The following TP53BP2 variants were observed in gnomAD, a reference collection of about 807,000 sequenced individuals.
TP53BP2 encodes the protein apoptosis-stimulating of p53 protein 2.
A neutral mutation model predicts 126.2 loss-of-function variants in TP53BP2; 62 were observed. The ratio of observed to expected loss-of-function variants is 0.49; its 90% CI spans 0.40 to 0.61. The LOEUF (loss-of-function observed/expected upper bound fraction) is 0.61, where lower values mean the gene tolerates loss of function less well. Ranked by LOEUF, TP53BP2 falls within the 20% of genes least tolerant of loss-of-function variation. The pLI is 0.00. For missense variants in TP53BP2, 1,215 were observed against 1,402.8 expected (o/e 0.87, Z 2.14); for synonymous variants, 485 against 502.9 (o/e 0.96, Z 0.48).
chr1:223,811,846 C>T (rs575701088), intron 3 of TP53BP2, among the ~76,000 whole-genome samples: 2 of 152,090 alleles, frequency 1.3e-5, no homozygotes, highest in African/African-American at 2.4e-5. Context: ...TTTGTGACAA[C>T]GTGAAAACAG....
intron 2 of TP53BP2, among the ~76,000 whole-genome samples, chr1:223,816,908 C>G (rs1162091459): frequency 6.6e-6 from 1 of 150,936 alleles, no homozygotes; most frequent in Non-Finnish European, 1.5e-5. Flanking sequence ...ACCTGTAATC[C>G]CAACACTTTG....
At chr1:223,824,953 G>A (rs963423459) in intron 1 of TP53BP2, among the ~76,000 whole-genome samples, 17 of 150,438 alleles carry the variant, frequency 1.1e-4, no homozygotes, top group African/African-American at 4.0e-4. Context: ...CCTCATCTCC[G>A]TCACGCCTTT....
chr1:223,845,545 G>A, intron 1 of TP53BP2, 109 bp downstream of exon 1: 1 of 1,223,920 alleles, frequency 8.2e-7, no homozygotes, highest in South Asian at 1.8e-5. Flanking sequence ...CTCCGCGCGG[G>A]CTGCGGCCCC....
intron 5 of TP53BP2, among the ~76,000 whole-genome samples, chr1:223,805,683 C>T (rs1167220752): frequency 6.6e-6 from 1 of 152,202 alleles, no homozygotes; most frequent in Admixed American, 6.5e-5. Flanking sequence ...CAATTGTCTA[C>T]CCCAGCTTCA....
chr1:223,803,073 G>A (rs887483378), intron 7 of TP53BP2, 178 bp from the exon 8 acceptor site: 11 of 883,904 alleles, frequency 1.2e-5, no homozygotes, highest in Non-Finnish European at 1.7e-5. Flanking sequence ...ACCAGCTGTG[G>A]TTATGAGGAA....
intron 3 of TP53BP2, among the ~76,000 whole-genome samples, chr1:223,810,876 A>G (rs1662887959): frequency 6.6e-6 from 1 of 152,210 alleles, no homozygotes; most frequent in Non-Finnish European, 1.5e-5. Flanking sequence ...TTAGCTACTC[A>G]GTAGTTAAAC....
In TP53BP2 at chr1:223,810,451, A is replaced by C; in HGVS notation, c.352T>G (p.Tyr118Asp). ...KRNGVKVPGE[Y>D]RRKENGVNSP... ...CTTACACCGTTCTCCTTTCTTCGAT[A>C]TTCACCAGGAACTTTTACACCATTT... Residue 118 changes from tyrosine to aspartate, a missense_variant, in exon 4 of 18, where the codon TAT (tyrosine) becomes GAT (aspartate). Transcript: ENST00000343537. The C allele has an allele frequency of 6.2e-7, 1 of 1,610,274 alleles. No homozygotes were observed.
In TP53BP2 at chr1:223,798,430, G is replaced by C. The variant is rs1282097359; in HGVS notation, c.1733C>G (p.Ser578Cys). The change falls in exon 12 of 18, where the codon TCT becomes TGT. Residue 578 changes from serine to cysteine, a missense_variant. By Grantham distance (112) the Ser-to-Cys change is moderately radical (BLOSUM62 -1). Transcript: ENST00000343537. Reference protein sequence around the residue: ...VGQDQTLSPGSKQESPPAAAV... With the variant: ...VGQDQTLSPGCKQESPPAAAV... ...AGCAGCAGGTGGACTTTCTTGCTTAGAACCTGGAGAAAGGGTCTGGTCTTG... is the reference window on the plus strand; with the variant it reads ...AGCAGCAGGTGGACTTTCTTGCTTACAACCTGGAGAAAGGGTCTGGTCTTG... 1 of 1,614,192 alleles carries C rather than the reference G, an allele frequency of 6.2e-7. No homozygotes were observed. The highest frequency in any genetic ancestry group is 1.6e-4 in the Middle Eastern group (1 of 6,062).
Position 223,782,747 on chromosome 1 carries a change from C to T in TP53BP2, c.3363+1368G>A, listed in dbSNP as rs551040454. Reference sequence around the variant, plus strand: ...GGATTACAGGCGTGAGCCACTATGCCGGGCCCCTGAAAGTTTTTTTTAAGG... The same window carrying T: ...GGATTACAGGCGTGAGCCACTATGCTGGGCCCCTGAAAGTTTTTTTTAAGG... On this transcript the variant is annotated intron_variant, in intron 17 of 17. Transcript: ENST00000343537. 6.6e-5 allele frequency among the ~76,000 whole-genome samples: 10 copies of T among 152,274 alleles called. No homozygotes were observed. The South Asian group carries it at 1.0e-3, about 16-fold the overall frequency.
intron 1 of TP53BP2, among the ~76,000 whole-genome samples, chr1:223,840,246 C>T (rs1055185265): frequency 9.9e-5 from 15 of 152,146 alleles, no homozygotes; most frequent in African/African-American, 3.6e-4. Flanking sequence ...CTTGGCTTGC[C>T]CCAATAAGAC....
rs567902626 is a variant in TP53BP2, at chr1:223,802,652, A to G, written c.996+79T>C. 2.0e-6 allele frequency: 3 copies of G among 1,500,272 alleles called. No homozygotes were observed. The African/African-American group carries it at 4.2e-5, about 21-fold the overall frequency. The allele number at this position is 1,500,272 out of a possible 1,614,324, so 92.9% of individuals were successfully genotyped here. A position where few individuals can be genotyped will look rare whatever the true frequency, so the allele number is the denominator to read the frequency against. ...GGCACACTGAGTAATGATTCTGAAG[A>G]AGATGCCTATGAGTAACCTCACTGG... is the stretch of plus-strand genomic sequence containing the variant. On this transcript the variant is annotated intron_variant, in intron 8 of 17. Coordinates refer to ENST00000343537, the MANE Select transcript of TP53BP2 (RefSeq NM_001031685.3).
At chr1:223,789,591 C>T (rs749222915) in intron 15 of TP53BP2, among the ~76,000 whole-genome samples, 2 of 152,132 alleles carry the variant, frequency 1.3e-5, no homozygotes, top group Non-Finnish European at 2.9e-5. Context: ...AAAACACTGG[C>T]CTTTAAATAT....
In TP53BP2 at chr1:223,804,310, T is replaced by G. The variant is rs934137891; in HGVS notation, c.513A>C (p.Arg171=). The part of the protein sequence containing the change: ...RLKFLKQQDQ[R]QQQQVAEQEK... ...CCTGCTCAGCAACTTGTTGCTGTTG[T>G]CGCTGATCTTGTTGTTTCAAAAACT... Residue 171 remains arginine, a synonymous_variant, in exon 6 of 18, where the codon CGA becomes CGC. Coordinates refer to ENST00000343537, the MANE Select transcript of TP53BP2 (RefSeq NM_001031685.3). 1 of 1,613,926 alleles carries G rather than the reference T, an allele frequency of 6.2e-7. No homozygotes were observed. Among genetic ancestry groups the G allele is most frequent in the Admixed American group, 1.7e-5 (1 of 59,976 alleles).
intron 16 of TP53BP2, among the ~76,000 whole-genome samples, chr1:223,787,246 T>C (rs982187828): frequency 3.9e-5 from 6 of 152,200 alleles, no homozygotes; most frequent in Admixed American, 6.5e-5. Context: ...ACTTCAGCAC[T>C]TTGGAAGGCC....
At chr1:223,832,266 C>G (rs6667215) in intron 1 of TP53BP2, among the ~76,000 whole-genome samples, 47,788 of 151,938 alleles carry the variant, frequency 0.31, 11,141 homozygotes, top group African/African-American at 0.66. Flanking sequence ...GAGGAAGAAA[C>G]AGAAAATTAT....
At chr1:223,822,832 A>G (rs559669432) in intron 1 of TP53BP2, among the ~76,000 whole-genome samples, 1 of 152,358 alleles carries the variant, frequency 6.6e-6, no homozygotes, top group Non-Finnish European at 1.5e-5. Flanking sequence ...GAAGTGAAAC[A>G]GGAAACAAGT....
At chr1:223,827,907 ATCTTTGTTTT>A (rs1316881973) in intron 1 of TP53BP2, among the ~76,000 whole-genome samples, 16 of 152,286 alleles carry the variant, frequency 1.1e-4, no homozygotes, top group African/African-American at 3.6e-4. Context: ...CCATCCTTTT[ATCTTTGTTTT>A]ACAAATTTAC....
In TP53BP2 at chr1:223,802,208, G is replaced by A. The variant is rs560983175; in HGVS notation, c.1133C>T (p.Pro378Leu). ...AGCCTGAATGACCAAGGAACCATCC[G>A]GCAGGGCTGGCTTCACCAGCAATTC... Reference protein sequence around the residue: ...RPELLVKPALPDGSLVIQASE... With the variant: ...RPELLVKPALLDGSLVIQASE... The change falls in exon 9 of 18, where the codon CCG becomes CTG. Residue 378 changes from proline (P) to leucine (L), a missense_variant. By Grantham distance (98) the Pro-to-Leu change is moderately conservative. Transcript: ENST00000343537. 1.5e-5 allele frequency: 25 copies of A among 1,614,162 alleles called. No individual in the cohort carries two copies. The highest frequency in any genetic ancestry group is 1.5e-4 in the African/African-American group (11 of 75,020).
chr1:223,814,256 G>C lies in TP53BP2; in HGVS notation c.273C>G (p.Pro91=). The C allele has an allele frequency of 1.9e-6, 3 of 1,613,440 alleles. No individual in the cohort carries two copies. Among genetic ancestry groups the C allele is most frequent in the South Asian group, 1.1e-5 (1 of 91,080 alleles). The change falls in exon 3 of 18, where the codon CCC becomes CCG. Residue 91 remains proline, a synonymous_variant. Coordinates refer to ENST00000343537, the MANE Select transcript of TP53BP2 (RefSeq NM_001031685.3). The stretch of plus-strand genomic sequence containing the variant: ...ACTACCTACCAATGTCCCTGCCAGG[G>C]GGGCGTTCATGACGAAGGAAGAAGC... The part of the protein sequence containing the change: ...EVRFFLRHER[P]PGRDIVSGPR...
Sources: allele counts gnomAD v4.1 joint callset (sites outside exome capture counted in the v4.1 genomes callset), GRCh38; gene constraint gnomAD v4.1.1; transcripts MANE v1.5; gene names NCBI Gene and HGNC (gene_info 2026-07-23, HGNC 2026-07-21).